NELL1: variants seen among roughly 807,000 people sequenced by gnomAD.
NELL1 encodes the protein protein kinase C-binding protein NELL1.
In NELL1, 76 loss-of-function variants were observed where a neutral mutation model predicts 107.4. That is an observed-to-expected ratio of 0.71 (90% confidence interval 0.59 to 0.86). The LOEUF (loss-of-function observed/expected upper bound fraction) is 0.86, where lower values mean the gene tolerates loss of function less well. Among genes scored for constraint, NELL1 ranks in the 40% least tolerant of loss-of-function variants. The probability of loss-of-function intolerance (pLI) is 0.00; values close to 1 mark genes in which losing one functional copy is unlikely to be tolerated. For missense variants in NELL1, 1,024 were observed against 1,005.5 expected, an observed-to-expected ratio of 1.02 and a Z score of -0.25; for synonymous variants, 353 against 341.2, an observed-to-expected ratio of 1.03 and a Z score of -0.38.
At chr11:21,325,572 A>G (rs1392382949) in intron 14 of NELL1, among the ~76,000 whole-genome samples, 2 of 151,786 alleles carry the variant, frequency 1.3e-5, no homozygotes, top group Non-Finnish European at 2.9e-5. Flanking sequence ...TTTTTTCCCC[A>G]TTTCTATACT....
At chr11:21,059,857 C>T (rs1233135569) in intron 12 of NELL1, among the ~76,000 whole-genome samples, 4 of 152,170 alleles carry the variant, frequency 2.6e-5, no homozygotes, top group Admixed American at 2.6e-4. Context: ...CATCTTATGA[C>T]ATCTTGTGAT....
chr11:21,451,576 G>A (rs543066684), intron 15 of NELL1, among the ~76,000 whole-genome samples: 1 of 152,164 alleles, frequency 6.6e-6, no homozygotes, highest in African/African-American at 2.4e-5. Flanking sequence ...TTCAGTCCCA[G>A]AAAGAAATGA....
At chr11:20,802,953 G>A (rs1857308961) in intron 3 of NELL1, among the ~76,000 whole-genome samples, 1 of 152,078 alleles carries the variant, frequency 6.6e-6, no homozygotes, top group South Asian at 2.1e-4. Context: ...TTAATGTATT[G>A]CTGAATTTAG....
chr11:20,732,844 G>C (rs1855678750), intron 2 of NELL1, among the ~76,000 whole-genome samples: 1 of 152,118 alleles, frequency 6.6e-6, no homozygotes, highest in Non-Finnish European at 1.5e-5. Flanking sequence ...ATTTAGACCT[G>C]AGTTCATTCA....
At position 21,200,486 on chromosome 11, in the gene NELL1, T is replaced by A. The variant is rs1264039821; in HGVS notation, c.1427-28846T>A. Among the ~76,000 whole-genome samples the A allele has an allele frequency of 2.0e-5, 3 of 151,158 alleles. No individual in the cohort carries two copies. The East Asian group carries it at 5.8e-4, about 29-fold the overall frequency. ...CATATCCTTCGCTCACTTTTTGATT[T>A]TTTTTCTTGTAAATTTGTTGAAGTT... is the stretch of plus-strand genomic sequence containing the variant. On this transcript the variant is annotated intron_variant, in intron 13 of 19. Transcript: ENST00000357134.
At chr11:21,494,666 G>T (rs1854929009) in intron 15 of NELL1, among the ~76,000 whole-genome samples, 1 of 151,750 alleles carries the variant, frequency 6.6e-6, no homozygotes, top group Non-Finnish European at 1.5e-5. Flanking sequence ...TGAACCAAGA[G>T]ACATGAGGAT....
At chr11:21,280,146 A>G (rs1313078395) in intron 14 of NELL1, among the ~76,000 whole-genome samples, 1 of 152,194 alleles carries the variant, frequency 6.6e-6, no homozygotes, top group Non-Finnish European at 1.5e-5. Context: ...ACCTATCATT[A>G]TACATTGGTC....
intron 15 of NELL1, among the ~76,000 whole-genome samples, chr11:21,394,762 T>A (rs1465731302): frequency 1.3e-5 from 2 of 151,538 alleles, no homozygotes; most frequent in Admixed American, 6.6e-5. Context: ...TGAGTCATCA[T>A]GTTTTAAAAT....
chr11:20,736,385 A>G (rs1248467312), intron 2 of NELL1, among the ~76,000 whole-genome samples: 2 of 152,180 alleles, frequency 1.3e-5, no homozygotes, highest in African/African-American at 2.4e-5. Context: ...CTGTCAGTGC[A>G]CAAGTGAGGC....
At chr11:21,271,448 A>G (rs116141864) in intron 14 of NELL1, among the ~76,000 whole-genome samples, 2,446 of 152,316 alleles carry the variant, frequency 0.016, 80 homozygotes, top group African/African-American at 0.056. Context: ...TTATCTGAAT[A>G]GGCCTATATC....
chr11:21,311,816 A>G (rs1194334601), intron 14 of NELL1, among the ~76,000 whole-genome samples: 3 of 152,120 alleles, frequency 2.0e-5, no homozygotes, highest in Non-Finnish European at 4.4e-5. Context: ...CATTTTATAC[A>G]TGGTACTATT....
intron 14 of NELL1, among the ~76,000 whole-genome samples, chr11:21,231,725 T>C (rs1337568776): frequency 2.6e-5 from 4 of 152,178 alleles, no homozygotes; most frequent in Non-Finnish European, 5.9e-5. Flanking sequence ...AATATGAGTT[T>C]AAATAATGTT....
intron 16 of NELL1, among the ~76,000 whole-genome samples, chr11:21,542,290 A>T (rs1856310499): frequency 6.6e-6 from 1 of 152,082 alleles, no homozygotes; most frequent in Admixed American, 6.6e-5. Context: ...GGTGTGTTTG[A>T]TCCCAAAGCT....
chr11:20,909,698 C>T (rs1850082657), intron 5 of NELL1, among the ~76,000 whole-genome samples: 2 of 152,108 alleles, frequency 1.3e-5, no homozygotes, highest in African/African-American at 4.8e-5. Context: ...TTCTCTCATG[C>T]CATTTTCTCT....
intron 12 of NELL1, among the ~76,000 whole-genome samples, chr11:21,113,352 T>C (rs1565066461): frequency 6.6e-6 from 1 of 152,040 alleles, no homozygotes; most frequent in Non-Finnish European, 1.5e-5. Context: ...TCATTCTTCA[T>C]ACTTCTTGGG....
chr11:20,764,168 C>A (rs1664574979), intron 2 of NELL1, among the ~76,000 whole-genome samples: 1 of 152,112 alleles, frequency 6.6e-6, no homozygotes, highest in Non-Finnish European at 1.5e-5. Context: ...TAACAGCTAT[C>A]CAGAACTTTT....
intron 14 of NELL1, among the ~76,000 whole-genome samples, chr11:21,290,152 G>A (rs534483024): frequency 6.6e-5 from 10 of 152,118 alleles, no homozygotes; most frequent in South Asian, 4.1e-4. Flanking sequence ...GGCGGATCAC[G>A]AGGTCAGGAG....
chr11:21,443,190 G>A (rs555360583), intron 15 of NELL1, among the ~76,000 whole-genome samples: 1 of 152,158 alleles, frequency 6.6e-6, no homozygotes, highest in Non-Finnish European at 1.5e-5. Context: ...AGAAAAAAAA[G>A]TTAGACCAAA....
intron 3 of NELL1, among the ~76,000 whole-genome samples, chr11:20,798,422 C>T (rs1439031007): frequency 2.0e-5 from 3 of 152,114 alleles, no homozygotes; most frequent in African/African-American, 7.2e-5. Flanking sequence ...AGCCATTAAC[C>T]TTTACTTTTT....
Sources: allele counts gnomAD v4.1 joint callset (sites outside exome capture counted in the v4.1 genomes callset), GRCh38; gene constraint gnomAD v4.1.1; transcripts MANE v1.5; gene names NCBI Gene and HGNC (gene_info 2026-07-23, HGNC 2026-07-21).